Variants in SH3BGRL2 observed in about 807,000 individuals in gnomAD.
SH3BGRL2 encodes SH3 domain-binding glutamic acid-rich-like protein 2.
Under a neutral mutation model 14.8 loss-of-function variants are expected in SH3BGRL2, and 21 were observed. The observed-to-expected ratio is 1.42, with a 90% CI of 1.01 to 2.05. SH3BGRL2 has a LOEUF of 2.05. SH3BGRL2 is among the 30% of genes most tolerant of loss of function. The probability of loss-of-function intolerance (pLI) is 0.00; values close to 1 mark genes in which losing one functional copy is unlikely to be tolerated. For synonymous variants in SH3BGRL2, 50 were observed against 47.8 expected, an observed-to-expected ratio of 1.05 and a Z score of -0.19; for missense variants, 147 against 130.8, an observed-to-expected ratio of 1.12 and a Z score of -0.61.
upstream of SH3BGRL2, chr6:79,631,293 C>T (rs1768817135): frequency 2.0e-6 from 1 of 492,394 alleles, no homozygotes; most frequent in African/African-American, 2.0e-5. Flanking sequence ...CCGGGCGGCG[C>T]TGGGCTTTTA....
At chr6:79,578,766 G>C in the SH3BGRL2 span, among the ~76,000 whole-genome samples, 2 of 152,204 alleles carry the variant, frequency 1.3e-5, no homozygotes, top group Non-Finnish European at 2.9e-5. Context: ...GCAGCTCCTC[G>C]CCAGCAACAG....
At chr6:79,539,259 A>G in the SH3BGRL2 span, among the ~76,000 whole-genome samples, 5 of 152,210 alleles carry the variant, frequency 3.3e-5, no homozygotes, top group Non-Finnish European at 7.3e-5. Flanking sequence ...GCAGTTTTAA[A>G]AGTTTTATGA....
At chr6:79,693,046 G>C (rs1044106303) in intron 2 of SH3BGRL2, among the ~76,000 whole-genome samples, 1 of 151,924 alleles carries the variant, frequency 6.6e-6, no homozygotes, top group African/African-American at 2.4e-5. Flanking sequence ...GCAGTGGTTT[G>C]TAGTTCTCCT....
chr6:79,563,197 T>G, the SH3BGRL2 span, among the ~76,000 whole-genome samples: 1 of 151,850 alleles, frequency 6.6e-6, no homozygotes, highest in Admixed American at 6.6e-5. Flanking sequence ...CAGGATGGTC[T>G]TGATCTCCTG....
chr6:79,662,919 T>G (rs1769582844), intron 1 of SH3BGRL2, among the ~76,000 whole-genome samples: 1 of 152,204 alleles, frequency 6.6e-6, no homozygotes. Flanking sequence ...CTGATATCCT[T>G]TCTTCCACTT....
the SH3BGRL2 span, among the ~76,000 whole-genome samples, chr6:79,593,392 C>G: frequency 6.6e-6 from 1 of 152,136 alleles, no homozygotes; most frequent in Non-Finnish European, 1.5e-5. Context: ...CATGGGCCAG[C>G]TTTTCTCTAT....
At chr6:79,678,746 G>A (rs1308910653) in intron 2 of SH3BGRL2, among the ~76,000 whole-genome samples, 1 of 152,150 alleles carries the variant, frequency 6.6e-6, no homozygotes, top group Non-Finnish European at 1.5e-5. Flanking sequence ...GTACCCAATA[G>A]GTAGTTTTTT....
chr6:79,692,243 A>G, intron 2 of SH3BGRL2, among the ~76,000 whole-genome samples: 1 of 152,048 alleles, frequency 6.6e-6, no homozygotes, highest in Non-Finnish European at 1.5e-5. Context: ...TTCATTGTAG[A>G]TTCTGGATAT....
the SH3BGRL2 span, among the ~76,000 whole-genome samples, chr6:79,603,609 T>A: frequency 6.6e-6 from 1 of 152,170 alleles, no homozygotes; most frequent in Non-Finnish European, 1.5e-5. Flanking sequence ...AGCTTTCTTG[T>A]GCAACGTCAC....
At chr6:79,589,157 G>A in the SH3BGRL2 span, among the ~76,000 whole-genome samples, 1 of 149,130 alleles carries the variant, frequency 6.7e-6, no homozygotes, top group East Asian at 2.0e-4. Context: ...CAAGAAAAAA[G>A]GTCTGTACAT....
chr6:79,594,657 G>A, the SH3BGRL2 span, among the ~76,000 whole-genome samples: 1 of 152,088 alleles, frequency 6.6e-6, no homozygotes, highest in African/African-American at 2.4e-5. Flanking sequence ...AGATGAGGCA[G>A]CAGCTTCGGT....
the SH3BGRL2 span, among the ~76,000 whole-genome samples, chr6:79,606,966 T>C: frequency 6.6e-6 from 1 of 152,208 alleles, no homozygotes; most frequent in Non-Finnish European, 1.5e-5. Context: ...TTTATTAGAA[T>C]AGAAACACTC....
the SH3BGRL2 span, among the ~76,000 whole-genome samples, chr6:79,564,651 T>A: frequency 1.3e-5 from 2 of 152,184 alleles, no homozygotes; most frequent in Non-Finnish European, 2.9e-5. Context: ...ACTTAAAATA[T>A]ATACTATATT....
At chr6:79,573,302 A>G in the SH3BGRL2 span, among the ~76,000 whole-genome samples, 1 of 152,152 alleles carries the variant, frequency 6.6e-6, no homozygotes, top group South Asian at 2.1e-4. Context: ...TCAAGTTTCC[A>G]TACGGGCCTG....
At chr6:79,539,175 AT>A in the SH3BGRL2 span, among the ~76,000 whole-genome samples, 5 of 152,210 alleles carry the variant, frequency 3.3e-5, no homozygotes, top group African/African-American at 1.2e-4. Context: ...AGACCAAAAA[AT>A]GTATAAATTT....
the SH3BGRL2 span, among the ~76,000 whole-genome samples, chr6:79,567,669 T>C: frequency 6.6e-6 from 1 of 152,158 alleles, no homozygotes; most frequent in Non-Finnish European, 1.5e-5. Context: ...CTGAAGAAAA[T>C]AGATTATTTT....
intron 1 of SH3BGRL2, among the ~76,000 whole-genome samples, chr6:79,673,209 A>T (rs997587749): frequency 1.3e-5 from 2 of 152,014 alleles, no homozygotes; most frequent in African/African-American, 2.4e-5. Flanking sequence ...GCACTCTGTC[A>T]TCTCATAGTC....
chr6:79,694,828 C>G (rs555339109), intron 2 of SH3BGRL2, among the ~76,000 whole-genome samples: 5 of 152,186 alleles, frequency 3.3e-5, no homozygotes, highest in Non-Finnish European at 7.3e-5. Flanking sequence ...CCTCTGCCGT[C>G]AGCTCGGCTG....
At chr6:79,542,587 G>T in the SH3BGRL2 span, among the ~76,000 whole-genome samples, 1 of 152,222 alleles carries the variant, frequency 6.6e-6, no homozygotes, top group African/African-American at 2.4e-5. Flanking sequence ...CTACTTTAAG[G>T]TTCAGGAGCT....
Sources: gnomAD v4.1 joint callset for allele counts (sites outside exome capture counted in the v4.1 genomes callset) on GRCh38, gnomAD v4.1.1 for gene constraint, MANE v1.5 for transcripts, NCBI Gene and HGNC (gene_info 2026-07-23, HGNC 2026-07-21) for gene names.